Variants in TRPM4 observed in about 807,000 individuals in gnomAD.
The protein encoded by TRPM4 is calcium-activated non-selective cation channel 1.
A neutral mutation model predicts 135.6 loss-of-function variants in TRPM4; 124 were observed. That is an observed-to-expected ratio of 0.91 (90% CI 0.79 to 1.06). The LOEUF is 1.06. Ranked by LOEUF, TRPM4 falls within the 50% of genes least tolerant of loss-of-function variation. The pLI is 0.00. For synonymous variants in TRPM4, 745 were observed against 705.6 expected (o/e 1.06, Z -0.88); for missense variants, 1,658 against 1,671.4 (o/e 0.99, Z 0.14).
chr19:49,166,313 T>A (rs1967177021), intron 3 of TRPM4, 98 bp downstream of exon 3: 2 of 1,285,200 alleles, frequency 1.6e-6, no homozygotes, highest in East Asian at 5.1e-5. Context: ...CCCTGGCCCC[T>A]CCGCCCATCC....
rs987422094 is a variant in TRPM4, at chr19:49,210,563, A to G, written c.3329-147A>G. 11 of 1,428,586 alleles carry G rather than the reference A, an allele frequency of 7.7e-6. No individual in the cohort carries two copies. The African/African-American group carries it at 1.4e-4, about 18-fold the overall frequency. The allele number at this position is 1,428,586 out of a possible 1,614,324, so 88.5% of individuals were successfully genotyped here. ...GGGCGGAGCTTAAGCACTGAGGGGC[A>G]GTGCTTACGGGTGAGGGGCGGGGCA... On this transcript the variant is annotated intron_variant, in intron 21 of 24. Transcript: ENST00000252826. The surrounding 1 kb of genome is among the most constrained non-coding windows in gnomAD (Gnocchi z 4.1).
intron 6 of TRPM4, among the ~76,000 whole-genome samples, chr19:49,170,661 T>C (rs1967418584): frequency 1.3e-5 from 2 of 152,304 alleles, no homozygotes; most frequent in African/African-American, 2.4e-5. Flanking sequence ...AATGACAGGA[T>C]TGACTCATAC....
intron 16 of TRPM4, among the ~76,000 whole-genome samples, chr19:49,191,861 A>G (rs1007374987): frequency 1.3e-5 from 2 of 152,182 alleles, no homozygotes; most frequent in African/African-American, 4.8e-5. Context: ...CACACGTCCC[A>G]TCAGGGACTG....
At chr19:49,196,230 C>T (rs1968629414) in intron 16 of TRPM4, among the ~76,000 whole-genome samples, 2 of 152,152 alleles carry the variant, frequency 1.3e-5, no homozygotes, top group South Asian at 2.1e-4. Context: ...TCCAACTCCT[C>T]GGCTCAAGCG....
At chr19:49,195,902 G>C (rs536979347) in intron 16 of TRPM4, among the ~76,000 whole-genome samples, 73 of 146,026 alleles carry the variant, frequency 5.0e-4, no homozygotes, top group African/African-American at 1.9e-3. Context: ...TTTTGAGACA[G>C]AGTCTCACTC....
chr19:49,202,086 A>C lies in TRPM4; in HGVS notation c.3076A>C (p.Ile1026Leu), dbSNP rs1211638624. 1.9e-6 allele frequency: 3 copies of C among 1,613,940 alleles called. No individual in the cohort carries two copies. In the African/African-American group the frequency reaches 4.0e-5, roughly 22 times the overall value. ...CTGGCTGGTGGTGCTGCTCCTCGTC[A>C]TCTTCCTGCTCGTGGCCAACATCCT... ...ANWLVVLLLV[I>L]FLLVANILLV... Residue 1026 changes from isoleucine to leucine, a missense_variant, in exon 20 of 25, where the codon ATC becomes CTC. Ile to Leu is a conservative substitution (Grantham distance 5, BLOSUM62 2). Transcript: ENST00000252826.
At chr19:49,182,287 C>T (rs1309797307) in intron 10 of TRPM4, among the ~76,000 whole-genome samples, 1 of 127,138 alleles carries the variant, frequency 7.9e-6, no homozygotes, top group Non-Finnish European at 1.6e-5. Context: ...CATCCATCTA[C>T]CTATCCGTTC....
chr19:49,178,118 C>T (rs1967771797), intron 9 of TRPM4, among the ~76,000 whole-genome samples: 1 of 152,142 alleles, frequency 6.6e-6, no homozygotes, highest in Non-Finnish European at 1.5e-5. Flanking sequence ...TTCGCTTGAG[C>T]CCAGGAGTTT....
rs747620725 is a variant in TRPM4, at chr19:49,211,229, C to G, written c.3600C>G (p.Pro1200=). Residue 1200 remains proline (P), a synonymous_variant, in exon 24 of 25, where the codon CCC becomes CCG. Transcript: ENST00000252826. The surrounding 1 kb of genome is among the most constrained non-coding windows in gnomAD (Gnocchi z 4.8). ...AEALSRSALL[P]PGGPPPPDLP... ...CCCTGAGCCGCTCTGCCTTGCTGCC[C>G]CCAGGTGGGCCGCCACCCCCTGACC... is the stretch of plus-strand genomic sequence containing the variant. The G allele has an allele frequency of 1.3e-6, 2 of 1,592,596 alleles. No homozygotes were observed. The highest frequency in any genetic ancestry group is 1.7e-6 in the Non-Finnish European group (2 of 1,170,308).
In TRPM4 at chr19:49,171,080, C is replaced by T. The variant is rs575945616; in HGVS notation, c.797-277C>T. Reference sequence around the variant, plus strand: ...CCCTGTTTCAGAAATTAGGCTGATGCGGTGGCTCATGCCTATAATCCCAGC... The same window carrying T: ...CCCTGTTTCAGAAATTAGGCTGATGTGGTGGCTCATGCCTATAATCCCAGC... On this transcript the variant is annotated intron_variant, in intron 6 of 24. Transcript: ENST00000252826. The surrounding 1 kb of genome is among the most constrained non-coding windows in gnomAD (Gnocchi z 4.7). Among the ~76,000 whole-genome samples the T allele has an allele frequency of 5.9e-4, 89 of 152,112 alleles. No individual in the cohort carries two copies. Among genetic ancestry groups the T allele is most frequent in the African/African-American group, 2.0e-3 (82 of 41,480 alleles).
In TRPM4 at chr19:49,210,420, T is replaced by G. The variant is rs1419669296; in HGVS notation, c.3328+15T>G. 6.2e-7 allele frequency: 1 copy of G among 1,611,966 alleles called. No homozygotes were observed. Among genetic ancestry groups the G allele is most frequent in the East Asian group, 2.2e-5 (1 of 44,872 alleles). On this transcript the variant is annotated intron_variant, in intron 21 of 24. Coordinates refer to ENST00000252826, the MANE Select transcript of TRPM4 (RefSeq NM_017636.4). This position sits in a 1 kb window ranked among gnomAD's most constrained non-coding sequence, Gnocchi z 4.1. ...CGAGCATTTCCGTAAGAACAGAGCT[T>G]GGCTTAAAAAGGAGAAATATAGGGG...
At position 49,166,157 on chromosome 19, in the gene TRPM4, A is replaced by G. The variant is rs770679487; in HGVS notation, c.209A>G (p.Lys70Arg). The change falls in exon 3 of 25, where the codon AAG (lysine) becomes AGG (arginine). Residue 70 changes from lysine (K) to arginine (R), a missense_variant. Around this residue, in one of 3 missense-constraint regions of TRPM4, gnomAD observed 239 missense variants for 240.1 expected, o/e 1.00. Coordinates refer to ENST00000252826, the MANE Select transcript of TRPM4 (RefSeq NM_017636.4). ...VWDSDAHTTE[K>R]PTDAYGELDF... ...GACAGCGATGCACACACCACGGAGA[A>G]GCCCACCGATGCCTACGGAGAGCTG... The G allele has an allele frequency of 1.2e-6, 2 of 1,608,840 alleles. No homozygotes were observed. The highest frequency in any genetic ancestry group is 1.3e-5 in the African/African-American group (1 of 74,862).
chr19:49,191,353 G>A (rs1457871506), intron 16 of TRPM4, among the ~76,000 whole-genome samples: 2 of 151,484 alleles, frequency 1.3e-5, no homozygotes, highest in African/African-American at 4.9e-5. Flanking sequence ...AGAAGTGCAT[G>A]CCACTACGCC....
intron 16 of TRPM4, among the ~76,000 whole-genome samples, chr19:49,195,598 G>A (rs961269397): frequency 3.3e-5 from 5 of 151,246 alleles, no homozygotes; most frequent in East Asian, 2.0e-4. Flanking sequence ...TCGAACTCCC[G>A]ACCTCAGCTG....
In TRPM4 at chr19:49,200,681, G is replaced by T. The variant is rs1183133556; in HGVS notation, c.2849G>T (p.Gly950Val). The change falls in exon 19 of 25, where the codon GGG becomes GTG. Residue 950 changes from glycine to valine, a missense_variant. Coordinates refer to ENST00000252826, the MANE Select transcript of TRPM4 (RefSeq NM_017636.4). Reference sequence around the variant, plus strand: ...GTAGCCTATGGCGTGGCCACGGAGGGGCTCCTGAGGCCACGGGACAGTGAC... The same window carrying T: ...GTAGCCTATGGCGTGGCCACGGAGGTGCTCCTGAGGCCACGGGACAGTGAC... ...WLVAYGVATE[G>V]LLRPRDSDFP... The T allele has an allele frequency of 1.2e-6, 2 of 1,614,050 alleles. No homozygotes were observed. Among genetic ancestry groups the T allele is most frequent in the Non-Finnish European group, 1.7e-6 (2 of 1,180,026 alleles).
Position 49,171,466 on chromosome 19 carries a change from G to C in TRPM4, c.858+48G>C, listed in dbSNP as rs754419823. The C allele has an allele frequency of 1.4e-5, 22 of 1,612,102 alleles. 1 individual carries two copies. Among genetic ancestry groups the C allele is most frequent in the Non-Finnish European group, 1.4e-5 (17 of 1,178,358 alleles). ...ATCTAAGGGGGAAGGAGGGTTGGGG[G>C]CCAGGACTCCTGGGTCCTGAGTCTT... On this transcript the variant is annotated intron_variant, in intron 7 of 24. Transcript: ENST00000252826. The surrounding 1 kb of genome is among the most constrained non-coding windows in gnomAD (Gnocchi z 4.7).
intron 17 of TRPM4, among the ~76,000 whole-genome samples, chr19:49,199,958 G>A (rs1398761984): frequency 6.6e-6 from 1 of 152,148 alleles, no homozygotes; most frequent in East Asian, 1.9e-4. Context: ...CCTTCCTTTT[G>A]CGTATTAGTT....
At position 49,171,545 on chromosome 19, in the gene TRPM4, A is replaced by G; in HGVS notation, c.859-33A>G. On this transcript the variant is annotated intron_variant, in intron 7 of 24. Transcript: ENST00000252826. This position sits in a 1 kb window ranked among gnomAD's most constrained non-coding sequence, Gnocchi z 4.7. ...TAGGGTGAATATCCTGCCTTTTCTG[A>G]CGTGATGAATAAAGAATGCCTTTAT... 6.2e-7 allele frequency: 1 copy of G among 1,613,502 alleles called. No homozygotes were observed. Among genetic ancestry groups the G allele is most frequent in the South Asian group, 1.1e-5 (1 of 91,060 alleles).
At chr19:49,182,395 CCCATCCATCCATCTGT>C (rs1329868028) in intron 10 of TRPM4, 167 bp from the exon 11 acceptor site, 11 of 548,450 alleles carry the variant, frequency 2.0e-5, no homozygotes, top group East Asian at 9.8e-5. Flanking sequence ...CATCCATCTG[CCCATCCATCCATCTGT>C]CCATCCATCC....
Sources: gnomAD v4.1 joint callset for allele counts (sites outside exome capture counted in the v4.1 genomes callset) on GRCh38, gnomAD v4.1.1 for gene constraint, gnomAD v4.1.1 regional missense constraint, Gnocchi (gnomAD v3.1) non-coding constraint, MANE v1.5 for transcripts, NCBI Gene and HGNC (gene_info 2026-07-23, HGNC 2026-07-21) for gene names.